RYR3: variants seen among roughly 807,000 people sequenced by gnomAD.
RYR3 encodes the protein brain ryanodine receptor-calcium release channel.
RYR3 carries 207 observed loss-of-function variants against 584.3 expected under a neutral mutation model. That is an observed-to-expected ratio of 0.35 (90% confidence interval 0.32 to 0.40). The LOEUF (loss-of-function observed/expected upper bound fraction) is 0.40. Ranked by LOEUF, RYR3 falls within the 10% of genes least tolerant of loss-of-function variation. The pLI is 1.00. For synonymous variants in RYR3, 2,416 were observed against 2,248.5 expected (o/e 1.07, Z -2.11); for missense variants, 5,616 against 6,089.2 (o/e 0.92, Z 2.59).
At chr15:33,727,628 C>T (rs980682204) in intron 46 of RYR3, among the ~76,000 whole-genome samples, 8 of 152,120 alleles carry the variant, frequency 5.3e-5, no homozygotes, top group Non-Finnish European at 7.4e-5. Flanking sequence ...CAGGAGAGGC[C>T]GCAGCCTGCA....
At chr15:33,604,313 C>T (rs2152557340) in intron 18 of RYR3, among the ~76,000 whole-genome samples, 1 of 152,340 alleles carries the variant, frequency 6.6e-6, no homozygotes, top group Non-Finnish European at 1.5e-5. Flanking sequence ...ATCGCATTTT[C>T]TTCCTTCCCT....
chr15:33,535,959 C>A (rs116131393), intron 5 of RYR3, among the ~76,000 whole-genome samples: 202 of 152,278 alleles, frequency 1.3e-3, no homozygotes, highest in African/African-American at 4.6e-3. Context: ...AACTAACTTA[C>A]GTTTGTTTTG....
rs1210240411 is a variant in RYR3 at position 33,682,506 on chromosome 15, A to T, written c.5860+11950A>T. Among the ~76,000 whole-genome samples the T allele has an allele frequency of 2.6e-5, 4 of 152,168 alleles. No individual in the cohort carries two copies. The South Asian group carries it at 8.3e-4, about 32-fold the overall frequency. Reference sequence around the variant, plus strand: ...TATTTGATATCATTGCCTTAATGTGACTACCCCTAATTACGCTAATTGCAA... The same window carrying T: ...TATTTGATATCATTGCCTTAATGTGTCTACCCCTAATTACGCTAATTGCAA... On this transcript the variant is annotated intron_variant, in intron 38 of 103. Coordinates refer to ENST00000634891, the MANE Select transcript of RYR3 (RefSeq NM_001036.6).
chr15:33,520,066 GA>G (rs61709471), intron 3 of RYR3, among the ~76,000 whole-genome samples: 5 of 152,128 alleles, frequency 3.3e-5, no homozygotes, highest in African/African-American at 7.2e-5. Context: ...ATCCAAGGGG[GA>G]AAAAACCCCA....
intron 18 of RYR3, among the ~76,000 whole-genome samples, chr15:33,603,990 C>T (rs1565937): frequency 0.33 from 49,620 of 152,054 alleles, 8,979 homozygotes; most frequent in East Asian, 0.75. Context: ...TGTCCATGGC[C>T]CGTGCCTGTG....
intron 74 of RYR3, among the ~76,000 whole-genome samples, chr15:33,814,444 T>C (rs898766918): frequency 2.0e-5 from 3 of 152,230 alleles, no homozygotes; most frequent in African/African-American, 7.2e-5. Flanking sequence ...TGTAAATAAA[T>C]GTGTTTCTTT....
chr15:33,502,708 C>T (rs775211454), intron 2 of RYR3, among the ~76,000 whole-genome samples: 16 of 152,252 alleles, frequency 1.1e-4, no homozygotes, highest in Admixed American at 9.8e-4. Flanking sequence ...TAATATTTTT[C>T]TTAGTGGCAG....
rs2152706246 is a variant in RYR3 at position 33,662,303 on chromosome 15, T to C, written c.4773T>C (p.Tyr1591=). Residue 1591 remains tyrosine, a synonymous_variant, in exon 35 of 104, where the codon TAT becomes TAC. Coordinates refer to ENST00000634891, the MANE Select transcript of RYR3 (RefSeq NM_001036.6). ...ACGTGGACCTCTCCCAGCTCTTCTA[T>C]GCCATTGACAACAAGTACCTCCCCG... is the stretch of plus-strand genomic sequence containing the variant. ...CSHVDLSQLF[Y]AIDNKYLPGL... is the part of the protein sequence containing the mutation. The C allele has an allele frequency of 6.2e-7, 1 of 1,611,742 alleles. No individual in the cohort carries two copies. Among genetic ancestry groups the C allele is most frequent in the East Asian group, 2.2e-5 (1 of 44,836 alleles).
At chr15:33,702,922 A>G (rs1051352774) in intron 42 of RYR3, among the ~76,000 whole-genome samples, 4 of 152,158 alleles carry the variant, frequency 2.6e-5, no homozygotes, top group African/African-American at 9.7e-5. Flanking sequence ...TTCGTGTCGC[A>G]TAGTGAACGT....
intron 16 of RYR3, among the ~76,000 whole-genome samples, chr15:33,590,739 G>A (rs556211955): frequency 1.3e-5 from 2 of 151,742 alleles, no homozygotes; most frequent in South Asian, 4.2e-4. Context: ...GCTCCTATGG[G>A]TTCATGAAGG....
intron 57 of RYR3, 23 bp from the exon 58 acceptor site, chr15:33,755,042 G>T: frequency 7.4e-7 from 1 of 1,346,890 alleles, no homozygotes; most frequent in Non-Finnish European, 1.1e-6. Context: ...TTACTTCCTG[G>T]GGTCTGTCCA....
chr15:33,382,318 G>GTTT (rs1567133176), intron 1 of RYR3, among the ~76,000 whole-genome samples: 1 of 103,264 alleles, frequency 9.7e-6, no homozygotes, highest in African/African-American at 4.8e-5. Context: ...TTTAAAAGTG[G>GTTT]CTTTTTTTTT....
chr15:33,585,521 G>C (rs1348979499), intron 15 of RYR3, among the ~76,000 whole-genome samples: 1 of 152,062 alleles, frequency 6.6e-6, no homozygotes, highest in African/African-American at 2.4e-5. Context: ...TACATGAGTA[G>C]ACCTAAAATA....
At chr15:33,565,052 C>T (rs1360673392) in intron 11 of RYR3, among the ~76,000 whole-genome samples, 1 of 152,160 alleles carries the variant, frequency 6.6e-6, no homozygotes, top group African/African-American at 2.4e-5. Flanking sequence ...TTTCCTATTC[C>T]TATCTTAGGC....
rs1236985372 is a variant in RYR3 at position 33,838,640 on chromosome 15, A to G, written c.12660A>G (p.Val4220=). The G allele has an allele frequency of 1.9e-6, 3 of 1,613,890 alleles. No homozygotes were observed. Among genetic ancestry groups the G allele is most frequent in the Admixed American group, 1.7e-5 (1 of 60,014 alleles). Residue 4220 remains valine, a synonymous_variant, in exon 89 of 104, where the codon GTA becomes GTG. Transcript: ENST00000634891. ...LWSTVFGGGL[V]EGAKNIRVTK... is the part of the protein sequence containing the mutation. ...GCACAGTGTTTGGAGGGGGCCTGGT[A>G]GAAGGGGCAAAGAACATCAGAGTGA...
Position 33,731,693 on chromosome 15 carries a change from A to G in RYR3, c.7423A>G (p.Asn2475Asp). 6.3e-7 allele frequency: 1 copy of G among 1,588,946 alleles called. No individual in the cohort carries two copies. The highest frequency in any genetic ancestry group is 8.6e-7 in the Non-Finnish European group (1 of 1,158,002). The change falls in exon 48 of 104, where the codon AAT becomes GAT. Residue 2475 changes from asparagine (N) to aspartate (D), a missense_variant and splice_region_variant. Asn to Asp is a conservative substitution (Grantham distance 23, BLOSUM62 1). Around this residue, in one of 9 missense-constraint regions of RYR3, gnomAD observed 1,280 missense variants for 1,426.2 expected, o/e 0.90. Transcript: ENST00000634891. ...TIEECLLAIC[N>D]HLRPSMLQQL... is the part of the protein sequence containing the mutation. ...AGAAGAATGTTTGCTTGCCATTTGCAAGTAAGTACATATCCTATGTTGTTA... is the reference window on the plus strand; with the variant it reads ...AGAAGAATGTTTGCTTGCCATTTGCGAGTAAGTACATATCCTATGTTGTTA...
intron 12 of RYR3, among the ~76,000 whole-genome samples, chr15:33,569,755 T>A (rs2057920937): frequency 6.6e-6 from 1 of 152,188 alleles, no homozygotes; most frequent in African/African-American, 2.4e-5. Flanking sequence ...CCTACATTTG[T>A]TACTATCTGA....
chr15:33,738,291 C>T (rs1473452570), intron 49 of RYR3, among the ~76,000 whole-genome samples, 159 bp from the exon 50 acceptor site: 2 of 152,136 alleles, frequency 1.3e-5, no homozygotes, highest in Admixed American at 1.3e-4. Flanking sequence ...AGACTGTTCC[C>T]AGCGGTGTTT....
chr15:33,380,451 G>A (rs2041099521), intron 1 of RYR3, among the ~76,000 whole-genome samples: 1 of 152,190 alleles, frequency 6.6e-6, no homozygotes, highest in South Asian at 2.1e-4. Flanking sequence ...ATTTATCTTT[G>A]AGTGACTTCT....
Sources: allele counts gnomAD v4.1 joint callset (sites outside exome capture counted in the v4.1 genomes callset), GRCh38; gene constraint gnomAD v4.1.1; regional missense constraint gnomAD v4.1.1; transcripts MANE v1.5; gene names NCBI Gene and HGNC (gene_info 2026-07-23, HGNC 2026-07-21).